IL17D: variants seen among roughly 807,000 people sequenced by gnomAD.
The protein encoded by IL17D is interleukin-17D.
In IL17D, 10 loss-of-function variants were observed where a neutral mutation model predicts 5.7. The observed-to-expected ratio is 1.75, with a 90% CI of 1.08 to 2.97. IL17D has a LOEUF of 2.97. Ranked by LOEUF, IL17D falls within the 30% of genes most tolerant of loss-of-function variation. The pLI is 0.00. For missense variants in IL17D, 354 were observed against 292.7 expected (o/e 1.21, Z -1.53); for synonymous variants, 172 against 141.7 (o/e 1.21, Z -1.52).
chr13:20,703,552 G>A, upstream of IL17D: 1 of 460,192 alleles, frequency 2.2e-6, no homozygotes, highest in Non-Finnish European at 2.9e-6. Context: ...GGGTGGGTCT[G>A]CGAGGCGGCG....
At chr13:20,720,946 A>G (rs1395419805) in intron 1 of IL17D, among the ~76,000 whole-genome samples, 1 of 140,372 alleles carries the variant, frequency 7.1e-6, no homozygotes, top group African/African-American at 2.7e-5. Context: ...TCCATTTCCA[A>G]TGGCGAGAAC....
In IL17D at chr13:20,704,106, G is replaced by T; in HGVS notation, c.105G>T (p.Pro35=). Residue 35 remains proline, a synonymous_variant, in exon 1 of 2, where the codon CCG becomes CCT. Coordinates refer to ENST00000682841, the MANE Select transcript of IL17D (RefSeq NM_001385224.1). ...GGCCGCGGGGCTGCGCGGACCGGCC[G>T]GAGGAGCTACTGGAGCAGCTGTACG... ...PARPRGCADR[P]EELLEQLYGR... is the part of the protein sequence containing the mutation. 1 of 1,285,938 alleles carries T rather than the reference G, an allele frequency of 7.8e-7. No homozygotes were observed. Among genetic ancestry groups the T allele is most frequent in the Non-Finnish European group, 1.0e-6 (1 of 1,004,558 alleles). 79.7% of individuals were successfully genotyped at this position (1,285,938 alleles called of 1,614,324 possible).
chr13:20,715,737 C>T (rs1192986584), intron 1 of IL17D, among the ~76,000 whole-genome samples: 1 of 151,836 alleles, frequency 6.6e-6, no homozygotes, highest in African/African-American at 2.4e-5. Context: ...TATATCTATA[C>T]ATCTTTTTTT....
intron 1 of IL17D, among the ~76,000 whole-genome samples, chr13:20,719,454 A>C (rs2141398917): frequency 6.8e-6 from 1 of 147,020 alleles, no homozygotes; most frequent in Non-Finnish European, 1.5e-5. Flanking sequence ...TGCCTCGCTC[A>C]CACACACCTG....
At position 20,722,055 on chromosome 13, in the gene IL17D, C is replaced by A. The variant is rs535322803; in HGVS notation, c.*101C>A. 13 of 998,116 alleles carry A rather than the reference C, an allele frequency of 1.3e-5. No individual in the cohort carries two copies. In the Admixed American group the frequency reaches 2.1e-4, roughly 16 times the overall value. 61.8% of individuals were successfully genotyped at this position (998,116 alleles called of 1,614,324 possible). ...TCGGCGACCTCTGAAGAGAGTGCACCGAGCAAACCAAGTGCCGGAGCACCA... is the reference window on the plus strand; with the variant it reads ...TCGGCGACCTCTGAAGAGAGTGCACAGAGCAAACCAAGTGCCGGAGCACCA... On this transcript the variant is annotated 3_prime_UTR_variant, in exon 2 of 2. Transcript: ENST00000682841.
intron 1 of IL17D, among the ~76,000 whole-genome samples, chr13:20,708,323 A>G (rs144026305): frequency 1.3e-5 from 2 of 152,346 alleles, no homozygotes; most frequent in Non-Finnish European, 2.9e-5. Flanking sequence ...GTTTTACAAT[A>G]GGCATTTGGA....
chr13:20,707,587 G>A (rs2058600646), intron 1 of IL17D, among the ~76,000 whole-genome samples: 1 of 152,020 alleles, frequency 6.6e-6, no homozygotes, highest in Non-Finnish European at 1.5e-5. Context: ...CAGTGACACA[G>A]ACAGATCAAT....
At chr13:20,708,928 T>A (rs1414752827) in intron 1 of IL17D, among the ~76,000 whole-genome samples, 3 of 124,870 alleles carry the variant, frequency 2.4e-5, no homozygotes, top group Non-Finnish European at 4.8e-5. Flanking sequence ...ACCACTGCAC[T>A]CCAGCCTGGA....
At chr13:20,708,346 A>G (rs2058606532) in intron 1 of IL17D, among the ~76,000 whole-genome samples, 1 of 152,238 alleles carries the variant, frequency 6.6e-6, no homozygotes, top group South Asian at 2.1e-4. Context: ...GTGGCTTTCC[A>G]TACGGATGGA....
At chr13:20,703,084 C>T (rs1295268462), upstream of IL17D, 1 of 158,372 alleles carries the variant, frequency 6.3e-6, no homozygotes, top group East Asian at 1.9e-4. Context: ...CCCACTCCTC[C>T]TTCAGCCAGT....
rs2058566826 is a variant in IL17D at position 20,704,069 on chromosome 13, GGCGCCCCGC to G, written c.72_80del (p.Ala26_Pro28del). The G allele has an allele frequency of 9.1e-7, 1 of 1,099,500 alleles. No individual in the cohort carries two copies. The highest frequency in any genetic ancestry group is 1.7e-5 in the African/African-American group (1 of 58,588). 68.1% of individuals were successfully genotyped at this position (1,099,500 alleles called of 1,614,324 possible). On this transcript the variant is annotated inframe_deletion, in exon 1 of 2. Coordinates refer to ENST00000682841, the MANE Select transcript of IL17D (RefSeq NM_001385224.1). ...GCCGCGGGCGCCCCGAGGGCGGGCA[GGCGCCCCGC>G]GCGGCCGCGGGGCTGCGCGGACCGG...
intron 1 of IL17D, chr13:20,712,413 A>AC (rs1436452411): frequency 6.6e-6 from 1 of 151,764 alleles, no homozygotes; most frequent in Non-Finnish European, 1.5e-5. Context: ...ACATGGTGAA[A>AC]CCCCCATCTC....
chr13:20,704,629 T>C (rs2058576594), intron 1 of IL17D, among the ~76,000 whole-genome samples: 2 of 151,860 alleles, frequency 1.3e-5, no homozygotes, highest in Admixed American at 6.5e-5. Flanking sequence ...CTTGAAGGAG[T>C]CCTGCTTCCT....
intron 1 of IL17D, among the ~76,000 whole-genome samples, chr13:20,708,843 C>A (rs866800571): frequency 3.2e-3 from 359 of 111,644 alleles, no homozygotes; most frequent in Non-Finnish European, 4.1e-3. Flanking sequence ...ACTAAAAATA[C>A]AAAAAAAAAA....
chr13:20,719,914 A>T (rs2058717733), intron 1 of IL17D, among the ~76,000 whole-genome samples: 1 of 152,224 alleles, frequency 6.6e-6, no homozygotes, highest in Admixed American at 6.5e-5. Flanking sequence ...GGGCCCAGCC[A>T]GGACACCCCC....
chr13:20,715,252 A>C (rs983883776), intron 1 of IL17D, among the ~76,000 whole-genome samples: 1 of 89,656 alleles, frequency 1.1e-5, no homozygotes, highest in African/African-American at 3.7e-5. Flanking sequence ...CAATTGAATC[A>C]GAATCTCTGG....
In IL17D at chr13:20,721,909, C is replaced by G. The variant is rs761382601; in HGVS notation, c.564C>G (p.Gly188=). Residue 188 remains glycine (G), a synonymous_variant, in exon 2 of 2, where the codon GGC becomes GGG. Coordinates refer to ENST00000682841, the MANE Select transcript of IL17D (RefSeq NM_001385224.1). ...TCAACTCCAGCATCGACAAACAGGGCGCCAAGCTCCTGCTGGGCCCCAACG... is the reference window on the plus strand; with the variant it reads ...TCAACTCCAGCATCGACAAACAGGGGGCCAAGCTCCTGCTGGGCCCCAACG... The part of the protein sequence containing the change: ...DSINSSIDKQ[G]AKLLLGPNDA... 6.2e-7 allele frequency: 1 copy of G among 1,606,228 alleles called. No individual in the cohort carries two copies. The highest frequency in any genetic ancestry group is 8.5e-7 in the Non-Finnish European group (1 of 1,178,690).
chr13:20,719,466 CCA>C (rs1361230781), intron 1 of IL17D, among the ~76,000 whole-genome samples: 1 of 151,742 alleles, frequency 6.6e-6, no homozygotes, highest in East Asian at 1.9e-4. Flanking sequence ...ACACACCTGC[CCA>C]CACACACCCA....
chr13:20,715,040 C>T (rs1046015542), intron 1 of IL17D, among the ~76,000 whole-genome samples: 1 of 152,234 alleles, frequency 6.6e-6, no homozygotes, highest in African/African-American at 2.4e-5. Context: ...CTTCCTTCCC[C>T]TGTGGTCTCA....
Sources: allele counts gnomAD v4.1 joint callset (sites outside exome capture counted in the v4.1 genomes callset), GRCh38; gene constraint gnomAD v4.1.1; transcripts MANE v1.5; gene names NCBI Gene and HGNC (gene_info 2026-07-23, HGNC 2026-07-21).